APBA3: variants seen among roughly 807,000 people sequenced by gnomAD.
APBA3 encodes amyloid beta precursor protein binding family A member 3.
Under a neutral mutation model 55.9 loss-of-function variants are expected in APBA3, and 45 were observed. That is an observed-to-expected ratio of 0.80 (90% CI 0.63 to 1.03). The LOEUF is 1.03. Ranked by LOEUF, APBA3 falls within the 50% of genes least tolerant of loss-of-function variation. The pLI, the probability that APBA3 is intolerant of heterozygous loss-of-function variation, is 0.00. For synonymous variants in APBA3, 370 were observed against 353.3 expected (o/e 1.05, Z -0.53); for missense variants, 865 against 820.3 (o/e 1.05, Z -0.67).
chr19:3,761,166 C>T (rs1027963114), intron 1 of APBA3, among the ~76,000 whole-genome samples: 4 of 152,102 alleles, frequency 2.6e-5, no homozygotes, highest in African/African-American at 9.7e-5. Context: ...TCACTCCAGC[C>T]CTGGTTCTTC....
At chr19:3,760,908 G>A (rs1406199339) in intron 1 of APBA3, among the ~76,000 whole-genome samples, 1 of 152,048 alleles carries the variant, frequency 6.6e-6, no homozygotes, top group Non-Finnish European at 1.5e-5. Flanking sequence ...GTGAGGCCCT[G>A]TCTTAAAAAA....
At position 3,751,475 on chromosome 19, in the gene APBA3, G is replaced by T; in HGVS notation, c.1474C>A (p.His492Asn). Residue 492 changes from histidine to asparagine, a missense_variant, in exon 9 of 11, where the codon CAC (histidine) becomes AAC (asparagine). Coordinates refer to ENST00000316757, the MANE Select transcript of APBA3 (RefSeq NM_004886.4). The stretch of plus-strand genomic sequence containing the variant: ...CAGAAGCCCAGCTGCTCGCGGGCGT[G>T]GGGCCGGTGGATGATGGCGGTGGTG... ...PVTTAIIHRP[H>N]AREQLGFCVE... 1 of 1,566,594 alleles carries T rather than the reference G, an allele frequency of 6.4e-7. No individual in the cohort carries two copies.
Position 3,760,317 on chromosome 19 carries a change from TCA to T in APBA3, c.-37-18_-37-17del. 6.7e-7 allele frequency: 1 copy of T among 1,497,028 alleles called. No individual in the cohort carries two copies. Among genetic ancestry groups the T allele is most frequent in the Non-Finnish European group, 8.9e-7 (1 of 1,121,582 alleles). 92.7% of individuals were successfully genotyped at this position (1,497,028 alleles called of 1,614,324 possible). A position where few individuals can be genotyped will look rare whatever the true frequency, so the allele number is the denominator to read the frequency against. ...CTTCAGGCAGCTGAAAGAGAGAGAG[TCA>T]GCACTGAGGTTTCGCCCGGGTGCAG... On this transcript the variant is annotated splice_polypyrimidine_tract_variant and intron_variant, in intron 1 of 10. Coordinates refer to ENST00000316757, the MANE Select transcript of APBA3 (RefSeq NM_004886.4).
At chr19:3,759,373 C>T (rs1248889967) in intron 3 of APBA3, among the ~76,000 whole-genome samples, 188 bp downstream of exon 3, 1 of 152,210 alleles carries the variant, frequency 6.6e-6, no homozygotes, top group African/African-American at 2.4e-5. Context: ...CCCACAGTCC[C>T]CTTCTCACTC....
In APBA3 at chr19:3,760,276, A is replaced by G. The variant is rs142672183; in HGVS notation, c.-12T>C. 1 of 1,582,328 alleles carries G rather than the reference A, an allele frequency of 6.3e-7. No homozygotes were observed. Among genetic ancestry groups the G allele is most frequent in the Non-Finnish European group, 8.5e-7 (1 of 1,172,792 alleles). The stretch of plus-strand genomic sequence containing the variant: ...GTGGGGAAGTCCATGCCTGGACTCC[A>G]GGCTTAGGCCGGCATCTTCAGGCAG... On this transcript the variant is annotated 5_prime_UTR_variant, in exon 2 of 11. Coordinates refer to ENST00000316757, the MANE Select transcript of APBA3 (RefSeq NM_004886.4).
rs1487085723 is a variant in APBA3 at position 3,750,992 on chromosome 19, G to A, written c.*34C>T. 3 of 1,549,680 alleles carry A rather than the reference G, an allele frequency of 1.9e-6. No individual in the cohort carries two copies. Among genetic ancestry groups the A allele is most frequent in the Non-Finnish European group, 2.6e-6 (3 of 1,144,408 alleles). On this transcript the variant is annotated 3_prime_UTR_variant, in exon 11 of 11. Transcript: ENST00000316757. Reference sequence around the variant, plus strand: ...AGGATGGGGCTCCGGGGCCATGGAGGCGAAGGCACAGTGGCAGGCAAGGGA... The same window carrying A: ...AGGATGGGGCTCCGGGGCCATGGAGACGAAGGCACAGTGGCAGGCAAGGGA...
At chr19:3,753,184 G>A in intron 6 of APBA3, 194 bp from the exon 7 acceptor site, 1 of 650,876 alleles carries the variant, frequency 1.5e-6, no homozygotes, top group Non-Finnish European at 2.6e-6. Context: ...GGAGAAGGAA[G>A]GGGAGGGGCA....
Position 3,750,792 on chromosome 19 carries a change from TAAAC to T in APBA3, c.*230_*233del. On this transcript the variant is annotated 3_prime_UTR_variant, in exon 11 of 11. Coordinates refer to ENST00000316757, the MANE Select transcript of APBA3 (RefSeq NM_004886.4). ...TTACCTCCCTCCGCCTGGTCTTTAA[TAAAC>T]AGAGTATTTTCACAGCACCGGCTTC... 1 of 1,079,130 alleles carries T rather than the reference TAAAC, an allele frequency of 9.3e-7. No individual in the cohort carries two copies. The highest frequency in any genetic ancestry group is 1.4e-6 in the Non-Finnish European group (1 of 730,414). The allele number at this position is 1,079,130 out of a possible 1,614,324, so 66.8% of individuals were successfully genotyped here. A position where few individuals can be genotyped will look rare whatever the true frequency, so the allele number is the denominator to read the frequency against.
At chr19:3,758,741 G>A (rs2037108440) in intron 3 of APBA3, among the ~76,000 whole-genome samples, 1 of 152,010 alleles carries the variant, frequency 6.6e-6, no homozygotes, top group African/African-American at 2.4e-5. Flanking sequence ...AGCTGGGCGT[G>A]GTGGCGAGCA....
Position 3,755,560 on chromosome 19 carries a change from G to GGC in APBA3, c.617-1221_617-1220insGC, listed in dbSNP as rs1555743066. ...TGTAACCCCAGCACTTTAGGAGGCC[G>GGC]GGGGGGGGGGGTGGATCACCTGAGG... On this transcript the variant is annotated intron_variant, in intron 3 of 10. Coordinates refer to ENST00000316757, the MANE Select transcript of APBA3 (RefSeq NM_004886.4). 8.6e-5 allele frequency: 5 copies of GGC among 58,052 alleles called. No individual in the cohort carries two copies. In the East Asian group the frequency reaches 2.8e-3, roughly 32 times the overall value. The allele number at this position is 58,052 out of a possible 1,614,324, so 3.6% of individuals were successfully genotyped here.
At chr19:3,759,090 G>A (rs7260448) in intron 3 of APBA3, among the ~76,000 whole-genome samples, 305 of 151,874 alleles carry the variant, frequency 2.0e-3, no homozygotes, top group African/African-American at 6.4e-3. Flanking sequence ...TTAGCTGGGC[G>A]TGGTGGCACG....
Position 3,751,417 on chromosome 19 carries a change from A to T in APBA3, c.1515+17T>A. ...CGCCCTACCCCCCCACCCCGGGGCC[A>T]GGGGCCGGGGCCTCACGATGCCGTC... On this transcript the variant is annotated intron_variant, in intron 9 of 10. Transcript: ENST00000316757. 6.6e-7 allele frequency: 1 copy of T among 1,520,190 alleles called. No homozygotes were observed. The highest frequency in any genetic ancestry group is 8.8e-7 in the Non-Finnish European group (1 of 1,137,588). 94.2% of individuals were successfully genotyped at this position (1,520,190 alleles called of 1,614,324 possible). A position where few individuals can be genotyped will look rare whatever the true frequency, so the allele number is the denominator to read the frequency against.
At chr19:3,757,960 A>T (rs568622704) in intron 3 of APBA3, among the ~76,000 whole-genome samples, 1 of 152,318 alleles carries the variant, frequency 6.6e-6, no homozygotes, top group East Asian at 1.9e-4. Flanking sequence ...TTAGAGACAG[A>T]GTCTCACTCT....
At position 3,754,123 on chromosome 19, in the gene APBA3, G is replaced by A; in HGVS notation, c.763-18C>T. On this transcript the variant is annotated intron_variant, in intron 4 of 10. Transcript: ENST00000316757. ...TCGGGGGCCTGTGGGTGGCGGCGTG[G>A]GAGGTGGAGGCCCCCACAGACCCAG... The A allele has an allele frequency of 8.2e-6, 13 of 1,580,370 alleles. No individual in the cohort carries two copies. Among genetic ancestry groups the A allele is most frequent in the Non-Finnish European group, 1.1e-5 (13 of 1,163,854 alleles).
In APBA3 at chr19:3,753,938, G is replaced by T. The variant is rs1305735040; in HGVS notation, c.850-12C>A. ...TCCATCATGGCCTCCTGGGGCGGGA[G>T]AGGCAGCCTGGGTGGGTTGGGGGGC... On this transcript the variant is annotated splice_polypyrimidine_tract_variant and intron_variant, in intron 5 of 10. Transcript: ENST00000316757. The T allele has an allele frequency of 1.3e-6, 2 of 1,556,042 alleles. No homozygotes were observed. The highest frequency in any genetic ancestry group is 2.3e-5 in the South Asian group (2 of 85,178).
In APBA3 at chr19:3,754,023, G is replaced by T; in HGVS notation, c.845C>A (p.Ser282Tyr). ...GGGCGGGTCCCTGCCCCGTACCTGG[G>T]AGTCCGCTGTCAAGACCTTGATCCT... is the stretch of plus-strand genomic sequence containing the variant. ...TKRIKVLTAD[S>Y]QEAMMDHALH... The change falls in exon 5 of 11, where the codon TCC (serine) becomes TAC (tyrosine). Residue 282 changes from serine to tyrosine, a missense_variant. By Grantham distance (144) the Ser-to-Tyr change is moderately radical. Transcript: ENST00000316757. 1 of 1,609,258 alleles carries T rather than the reference G, an allele frequency of 6.2e-7. No individual in the cohort carries two copies. The highest frequency in any genetic ancestry group is 1.1e-5 in the South Asian group (1 of 90,302).
At chr19:3,756,060 G>A (rs2037077160) in intron 3 of APBA3, 1 of 152,178 alleles carries the variant, frequency 6.6e-6, no homozygotes, top group Admixed American at 6.5e-5. Flanking sequence ...GGGTTCTAGA[G>A]AGATACGTCA....
Position 3,750,935 on chromosome 19 carries a change from C to T in APBA3, c.*91G>A. On this transcript the variant is annotated 3_prime_UTR_variant, in exon 11 of 11. Transcript: ENST00000316757. ...TTAGGAAATCATACAGGACCAAGAA[C>T]CGCTGGGGTCCTGGCCAGCCAGGGC... The T allele has an allele frequency of 1.4e-6, 2 of 1,380,216 alleles. No homozygotes were observed. The highest frequency in any genetic ancestry group is 1.0e-6 in the Non-Finnish European group (1 of 991,510). The allele number at this position is 1,380,216 out of a possible 1,614,324, so 85.5% of individuals were successfully genotyped here. A position where few individuals can be genotyped will look rare whatever the true frequency, so the allele number is the denominator to read the frequency against.
chr19:3,756,281 C>A (rs2037079377), intron 3 of APBA3: 1 of 152,026 alleles, frequency 6.6e-6, no homozygotes, highest in African/African-American at 2.4e-5. Context: ...GAGTTTGAGA[C>A]CAGCCTGGCC....
Sources: gnomAD v4.1 joint callset for allele counts (sites outside exome capture counted in the v4.1 genomes callset) on GRCh38, gnomAD v4.1.1 for gene constraint, MANE v1.5 for transcripts, NCBI Gene and HGNC (gene_info 2026-07-23, HGNC 2026-07-21) for gene names.